Variants in NOSTRIN observed in about 807,000 individuals in gnomAD.
NOSTRIN encodes BM247 homolog.
NOSTRIN carries 63 observed loss-of-function variants against 59.0 expected under a neutral mutation model. The observed-to-expected ratio is 1.07, with a 90% CI of 0.87 to 1.32. NOSTRIN has a LOEUF of 1.32. Ranked by LOEUF, NOSTRIN falls within the 40% of genes most tolerant of loss-of-function variation. NOSTRIN has a pLI of 0.00. For missense variants in NOSTRIN, 512 were observed against 473.1 expected (o/e 1.08, Z -0.76); for synonymous variants, 200 against 165.4 (o/e 1.21, Z -1.61).
At position 168,836,699 on chromosome 2, in the gene NOSTRIN, A is replaced by G. The variant is rs533071533; in HGVS notation, c.504+2374A>G. Among the ~76,000 whole-genome samples, 129 of 152,272 alleles carry G rather than the reference A, an allele frequency of 8.5e-4. 1 individual carries two copies. The highest frequency in any genetic ancestry group is 1.4e-3 in the Non-Finnish European group (98 of 68,030). ...TTGCCTCCTACCTCACAGAGTAAAT[A>G]GAAGTCAGCACAGCCACCTGCCTAC... On this transcript the variant is annotated intron_variant, in intron 7 of 15. Transcript: ENST00000317647.
intron 8 of NOSTRIN, among the ~76,000 whole-genome samples, chr2:168,847,873 A>G (rs971169228): frequency 1.3e-5 from 2 of 152,252 alleles, no homozygotes; most frequent in East Asian, 1.9e-4. Context: ...ATGAGCAAAC[A>G]TAGATCATTT....
chr2:168,820,276 T>A (rs181083864), intron 2 of NOSTRIN, among the ~76,000 whole-genome samples: 11 of 152,326 alleles, frequency 7.2e-5, no homozygotes, highest in Admixed American at 7.2e-4. Context: ...TCTCTGTGCC[T>A]TGGTGTTCCG....
At chr2:168,791,688 C>A (rs1213114197) in intron 2 of NOSTRIN, among the ~76,000 whole-genome samples, 1 of 152,186 alleles carries the variant, frequency 6.6e-6, no homozygotes, top group Non-Finnish European at 1.5e-5. Flanking sequence ...ACCATTCTAA[C>A]TGGTGTGAGA....
chr2:168,807,124 G>A (rs928304046), intron 1 of NOSTRIN, among the ~76,000 whole-genome samples: 7 of 152,128 alleles, frequency 4.6e-5, no homozygotes, highest in African/African-American at 1.7e-4. Flanking sequence ...TGCAAACTGT[G>A]CTCCATGGAA....
intron 13 of NOSTRIN, 98 bp from the exon 14 acceptor site, chr2:168,860,697 A>C: frequency 1.3e-6 from 1 of 797,000 alleles, no homozygotes; most frequent in Non-Finnish European, 2.0e-6. Flanking sequence ...AACAAACAGA[A>C]AAAACAACTT....
At chr2:168,796,593 C>T (rs1047594413), upstream of NOSTRIN, among the ~76,000 whole-genome samples, 1 of 152,216 alleles carries the variant, frequency 6.6e-6, no homozygotes, top group Non-Finnish European at 1.5e-5. Flanking sequence ...AACATTAGGG[C>T]ACTCTTCGAT....
intron 13 of NOSTRIN, 118 bp from the exon 14 acceptor site, chr2:168,860,677 A>AG: frequency 1.4e-6 from 1 of 693,682 alleles, no homozygotes; most frequent in Non-Finnish European, 2.4e-6. Flanking sequence ...TCTAAAAAAA[A>AG]AAAAGAAAAA....
intron 9 of NOSTRIN, 41 bp from the exon 10 acceptor site, chr2:168,851,238 C>G (rs1311402083): frequency 6.2e-7 from 1 of 1,613,782 alleles, no homozygotes; most frequent in African/African-American, 1.3e-5. Flanking sequence ...GGGCAGAAAC[C>G]TTTCTTCGAC....
At position 168,851,504 on chromosome 2, in the gene NOSTRIN, A is replaced by G. The variant is rs554831929; in HGVS notation, c.855+100A>G. ...TGAAAGCAAATATCATGTTTTATCA[A>G]TGAAAATGATTTCTCATACCCCATA... is the stretch of plus-strand genomic sequence containing the variant. On this transcript the variant is annotated intron_variant, in intron 10 of 15. Coordinates refer to ENST00000317647, the MANE Select transcript of NOSTRIN (RefSeq NM_001039724.4). The G allele has an allele frequency of 6.8e-6, 10 of 1,479,736 alleles. No individual in the cohort carries two copies. In the African/African-American group the frequency reaches 1.1e-4, roughly 17 times the overall value. The allele number at this position is 1,479,736 out of a possible 1,614,324, so 91.7% of individuals were successfully genotyped here. A position where few individuals can be genotyped will look rare whatever the true frequency, so the allele number is the denominator to read the frequency against.
chr2:168,838,001 A>G (rs1341723230), intron 7 of NOSTRIN, among the ~76,000 whole-genome samples: 1 of 151,952 alleles, frequency 6.6e-6, no homozygotes, highest in Non-Finnish European at 1.5e-5. Flanking sequence ...TCTCTTCACC[A>G]TTGTCTCTCC....
intron 15 of NOSTRIN, among the ~76,000 whole-genome samples, chr2:168,862,768 T>G (rs1407608781): frequency 6.6e-6 from 1 of 152,206 alleles, no homozygotes; most frequent in East Asian, 1.9e-4. Context: ...TCTTTATGTG[T>G]CCAGTTAGAA....
chr2:168,848,399 TAAG>T (rs1688554021), intron 8 of NOSTRIN, among the ~76,000 whole-genome samples: 1 of 152,204 alleles, frequency 6.6e-6, no homozygotes, highest in African/African-American at 2.4e-5. Context: ...CAGAGGCAAC[TAAG>T]AAGATTGCCA....
At chr2:168,836,425 T>C (rs994821069) in intron 7 of NOSTRIN, among the ~76,000 whole-genome samples, 2 of 152,252 alleles carry the variant, frequency 1.3e-5, no homozygotes, top group African/African-American at 4.8e-5. Context: ...GCTGTTACTC[T>C]GTCATACACC....
rs117103019 is a variant in NOSTRIN at position 168,843,491 on chromosome 2, C to T, written c.630+374C>T. On this transcript the variant is annotated intron_variant, in intron 8 of 15. Coordinates refer to ENST00000317647, the MANE Select transcript of NOSTRIN (RefSeq NM_001039724.4). ...GTGATCGCTTATGGAGGTCAGGCAT[C>T]GTGTTAGGCACTGGAGATACAGAGC... Among the ~76,000 whole-genome samples, 71 of 152,194 alleles carry T rather than the reference C, an allele frequency of 4.7e-4. 1 individual carries two copies. In the East Asian group the frequency reaches 9.4e-3, roughly 20 times the overall value.
chr2:168,823,322 A>T (rs577245524), intron 2 of NOSTRIN, among the ~76,000 whole-genome samples: 2 of 152,154 alleles, frequency 1.3e-5, no homozygotes, highest in Non-Finnish European at 2.9e-5. Context: ...GGCCAGTTGC[A>T]TTAGTTTTTA....
chr2:168,841,244 AAAAAAAAAAAAAAAAAAG>A (rs1440447508), intron 7 of NOSTRIN, among the ~76,000 whole-genome samples: 1 of 45,632 alleles, frequency 2.2e-5, no homozygotes, highest in African/African-American at 1.3e-4. Context: ...CCAAAAAAAA[AAAAAAAAAAAAAAAAAAG>A]AAAAGAAAAA....
At chr2:168,808,851 C>G (rs1685998282) in intron 1 of NOSTRIN, among the ~76,000 whole-genome samples, 1 of 151,902 alleles carries the variant, frequency 6.6e-6, no homozygotes, top group Admixed American at 6.6e-5. Context: ...TGTAATTAGA[C>G]AAATGTTCAT....
chr2:168,837,267 A>G (rs1193990858), intron 7 of NOSTRIN, among the ~76,000 whole-genome samples: 1 of 114,602 alleles, frequency 8.7e-6, no homozygotes, highest in African/African-American at 3.3e-5. Context: ...TTTACAATAC[A>G]TCTTTTTTTT....
intron 10 of NOSTRIN, among the ~76,000 whole-genome samples, chr2:168,852,524 C>T (rs531664811): frequency 2.6e-5 from 4 of 152,256 alleles, no homozygotes; most frequent in South Asian, 4.2e-4. Flanking sequence ...ATTCTGATAG[C>T]GTTTCCCTGG....
Sources: allele counts gnomAD v4.1 joint callset (sites outside exome capture counted in the v4.1 genomes callset), GRCh38; gene constraint gnomAD v4.1.1; transcripts MANE v1.5; gene names NCBI Gene and HGNC (gene_info 2026-07-23, HGNC 2026-07-21).